Variants in ITGB5 observed in about 807,000 individuals in gnomAD.
The protein encoded by ITGB5 is integrin subunit beta 5.
A neutral mutation model predicts 84.8 loss-of-function variants in ITGB5; 38 were observed. That is an observed-to-expected ratio of 0.45 (90% CI 0.35 to 0.59). ITGB5 has a LOEUF of 0.59. ITGB5 is among the 20% of genes least tolerant of loss of function. The pLI is 0.01. For synonymous variants in ITGB5, 393 were observed against 414.4 expected, an observed-to-expected ratio of 0.95 and a Z score of 0.63; for missense variants, 905 against 1,034.5, an observed-to-expected ratio of 0.87 and a Z score of 1.72.
chr3:124,872,758 T>C (rs1000767006), intron 2 of ITGB5, among the ~76,000 whole-genome samples: 3 of 152,094 alleles, frequency 2.0e-5, no homozygotes, highest in African/African-American at 7.2e-5. Context: ...CCTCCCTCCC[T>C]CTCTCTTTCT....
chr3:124,894,371 G>C (rs113014482), intron 1 of ITGB5: 1 of 152,042 alleles, frequency 6.6e-6, no homozygotes, highest in Non-Finnish European at 1.5e-5. Context: ...CTGACCTTGC[G>C]ATCCGTCCGT....
Position 124,841,537 on chromosome 3 carries a change from G to A in ITGB5, c.626C>T (p.Pro209Leu), listed in dbSNP as rs1294024013. The A allele has an allele frequency of 6.2e-7, 1 of 1,613,556 alleles. No homozygotes were observed. Among genetic ancestry groups the A allele is most frequent in the South Asian group, 1.1e-5 (1 of 90,928 alleles). ...TNPCIGYKLF[P>L]NCVPSFGFRH... is the part of the protein sequence containing the mutation. ...GAACCCAAAGGAGGGGACGCAATTT[G>A]GAAACAACTTGTAACTAGAGAGGAA... Residue 209 changes from proline to leucine, a missense_variant, in exon 5 of 15, where the codon CCA (proline) becomes CTA (leucine). Coordinates refer to ENST00000296181, the MANE Select transcript of ITGB5 (RefSeq NM_002213.5).
At chr3:124,897,586 C>T (rs752178300) in intron 1 of ITGB5, among the ~76,000 whole-genome samples, 2 of 152,130 alleles carry the variant, frequency 1.3e-5, no homozygotes, top group Non-Finnish European at 2.9e-5. Flanking sequence ...CTTGGGAGGC[C>T]GAGGCAGGAG....
chr3:124,844,983 C>T (rs1413547227), intron 4 of ITGB5, among the ~76,000 whole-genome samples: 4 of 152,204 alleles, frequency 2.6e-5, no homozygotes, highest in African/African-American at 4.8e-5. Context: ...AACTGCTCTG[C>T]AGGGATGCCC....
rs61761683 is a variant in ITGB5 at position 124,763,597 on chromosome 3, G to T, written c.*26C>A. 2.1e-6 allele frequency: 3 copies of T among 1,420,054 alleles called. No homozygotes were observed. The highest frequency in any genetic ancestry group is 3.0e-6 in the Non-Finnish European group (3 of 1,003,220). 88.0% of individuals were successfully genotyped at this position (1,420,054 alleles called of 1,614,324 possible). ...AGTCTGACCTTTTCATCAGATCCCC[G>T]CTCCAGCCCCTCGGAGAAGGAAACA... is the stretch of plus-strand genomic sequence containing the variant. On this transcript the variant is annotated 3_prime_UTR_variant, in exon 15 of 15. Transcript: ENST00000296181.
intron 10 of ITGB5, among the ~76,000 whole-genome samples, chr3:124,778,405 C>T (rs1243839393): frequency 8.5e-5 from 13 of 152,200 alleles, no homozygotes; most frequent in Admixed American, 8.5e-4. Context: ...AAATTGAATC[C>T]TGGCTATTCA....
At chr3:124,808,278 GCTTT>G (rs1353407900) in intron 9 of ITGB5, among the ~76,000 whole-genome samples, 1 of 152,104 alleles carries the variant, frequency 6.6e-6, no homozygotes, top group African/African-American at 2.4e-5. Context: ...TCCCTCACTG[GCTTT>G]CTGTTTTCTG....
chr3:124,896,749 A>AAC (rs1175683706), intron 1 of ITGB5, among the ~76,000 whole-genome samples: 1 of 147,442 alleles, frequency 6.8e-6, no homozygotes, highest in Non-Finnish European at 1.5e-5. Context: ...CTTGTCTTAA[A>AAC]AAAAAAAAAA....
At chr3:124,793,432 C>A (rs1451534651) in intron 10 of ITGB5, among the ~76,000 whole-genome samples, 10 of 152,246 alleles carry the variant, frequency 6.6e-5, no homozygotes, top group Non-Finnish European at 1.5e-4. Flanking sequence ...ATGGAAACTC[C>A]ATTCCACCAC....
At chr3:124,889,789 G>A (rs894681447), upstream of ITGB5, among the ~76,000 whole-genome samples, 2 of 152,126 alleles carry the variant, frequency 1.3e-5, no homozygotes, top group African/African-American at 2.4e-5. Context: ...CCAGTCGGGT[G>A]GATAGCTTGA....
In ITGB5 at chr3:124,844,365, G is replaced by A. The variant is rs1454789722; in HGVS notation, c.612-2814C>T. On this transcript the variant is annotated intron_variant, in intron 4 of 14. Coordinates refer to ENST00000296181, the MANE Select transcript of ITGB5 (RefSeq NM_002213.5). ...ACCTGAGGTCAGGAGTTCAAGACCA[G>A]CCTGGCCAACGTGGTGAAACGCCAT... 5.3e-5 allele frequency among the ~76,000 whole-genome samples: 8 copies of A among 152,238 alleles called. 1 individual carries two copies. In the South Asian group the frequency reaches 1.7e-3, roughly 32 times the overall value.
At chr3:124,779,558 A>G (rs962709315) in intron 10 of ITGB5, among the ~76,000 whole-genome samples, 12 of 152,140 alleles carry the variant, frequency 7.9e-5, no homozygotes, top group Non-Finnish European at 1.6e-4. Context: ...GAGCTGGGCT[A>G]TGAAGAACCA....
chr3:124,849,375 G>A (rs113918606), intron 3 of ITGB5, among the ~76,000 whole-genome samples: 196 of 152,318 alleles, frequency 1.3e-3, no homozygotes, highest in African/African-American at 4.6e-3. Flanking sequence ...AGGGAGGGCA[G>A]AGAAACAAAG....
chr3:124,778,541 C>T (rs2063957343), intron 10 of ITGB5, among the ~76,000 whole-genome samples: 2 of 152,192 alleles, frequency 1.3e-5, no homozygotes, highest in South Asian at 4.1e-4. Flanking sequence ...AAGCAGCTAC[C>T]AGGCTGCACC....
rs757467738 is a variant in ITGB5 at position 124,796,628 on chromosome 3, C to T, written c.1453G>A (p.Gly485Ser). Reference sequence around the variant, plus strand: ...TAGCCGGGGCTGCACTCACACAGGCCGCAGACATAGGTCCCGCTCCCGTTG... The same window carrying T: ...TAGCCGGGGCTGCACTCACACAGGCTGCAGACATAGGTCCCGCTCCCGTTG... Reference protein sequence around the residue: ...RCNGSGTYVCGLCECSPGYLG... With the variant: ...RCNGSGTYVCSLCECSPGYLG... Residue 485 changes from glycine to serine, a missense_variant, in exon 10 of 15, where the codon GGC (glycine) becomes AGC (serine). Coordinates refer to ENST00000296181, the MANE Select transcript of ITGB5 (RefSeq NM_002213.5). The T allele has an allele frequency of 3.7e-6, 6 of 1,613,914 alleles. No individual in the cohort carries two copies. The highest frequency in any genetic ancestry group is 1.3e-5 in the African/African-American group (1 of 74,918).
At chr3:124,851,917 CA>C (rs2065161909) in intron 3 of ITGB5, among the ~76,000 whole-genome samples, 1 of 152,078 alleles carries the variant, frequency 6.6e-6, no homozygotes, top group Admixed American at 6.5e-5. Context: ...AACAACTCCC[CA>C]AAAAGGGAGG....
At chr3:124,879,451 A>C (rs1934473659) in intron 1 of ITGB5, among the ~76,000 whole-genome samples, 1 of 152,240 alleles carries the variant, frequency 6.6e-6, no homozygotes, top group Non-Finnish European at 1.5e-5. Context: ...CACAATGGAC[A>C]AAAGAGTCCC....
chr3:124,833,930 C>T (rs1223843323), intron 5 of ITGB5, among the ~76,000 whole-genome samples: 1 of 152,178 alleles, frequency 6.6e-6, no homozygotes, highest in Non-Finnish European at 1.5e-5. Flanking sequence ...TGATTAAGGG[C>T]TTGCCTGGAG....
Position 124,763,632 on chromosome 3 carries a change from A to G in ITGB5, c.2391T>C (p.Thr797=). 3.8e-6 allele frequency: 6 copies of G among 1,592,300 alleles called. No individual in the cohort carries two copies. The highest frequency in any genetic ancestry group is 5.2e-6 in the Non-Finnish European group (6 of 1,160,328). Residue 797 remains threonine (T), a synonymous_variant, in exon 15 of 15, where the codon ACT becomes ACC. Transcript: ENST00000296181. ...FNKFNKSYNG[T]VD is the part of the protein sequence containing the mutation. ...CTCGGAGAAGGAAACATCAGTCCAC[A>G]GTGCCATTGTAGGATTTGTTGAACT...
Sources: allele counts gnomAD v4.1 joint callset (sites outside exome capture counted in the v4.1 genomes callset), GRCh38; gene constraint gnomAD v4.1.1; transcripts MANE v1.5; gene names NCBI Gene and HGNC (gene_info 2026-07-23, HGNC 2026-07-21).